MOCOS: variants seen among roughly 807,000 people sequenced by gnomAD.
MOCOS encodes the protein molybdenum cofactor sulfurase, also known as human molybdenum cofactor sulfurase.
MOCOS carries 86 observed loss-of-function variants against 83.6 expected under a neutral mutation model. The observed-to-expected ratio is 1.03, with a 90% CI of 0.86 to 1.23. MOCOS has a LOEUF of 1.23. MOCOS is among the 50% of genes most tolerant of loss of function. MOCOS has a pLI of 0.00. For synonymous variants in MOCOS, 445 were observed against 434.7 expected (o/e 1.02, Z -0.29); for missense variants, 1,120 against 1,126.9 (o/e 0.99, Z 0.09).
At chr18:36,239,278 T>G (rs3993052) in intron 9 of MOCOS, among the ~76,000 whole-genome samples, 85,801 of 148,920 alleles carry the variant, frequency 0.58, 25,594 homozygotes, top group African/African-American at 0.71. Flanking sequence ...GGTACCAGTT[T>G]TTCCTTTCCA....
chr18:36,239,695 G>A (rs2091573744), intron 9 of MOCOS, among the ~76,000 whole-genome samples: 1 of 147,364 alleles, frequency 6.8e-6, no homozygotes, highest in Admixed American at 6.9e-5. Flanking sequence ...TTGCTAGATT[G>A]GGGAAATTCT....
At chr18:36,242,140 G>A (rs1011294571) in intron 9 of MOCOS, among the ~76,000 whole-genome samples, 3 of 152,204 alleles carry the variant, frequency 2.0e-5, no homozygotes, top group East Asian at 3.9e-4. Flanking sequence ...CTTTTCTGTA[G>A]CACAGACTGT....
intron 11 of MOCOS, among the ~76,000 whole-genome samples, chr18:36,253,632 C>T (rs374494770): frequency 9.9e-5 from 15 of 151,300 alleles, no homozygotes; most frequent in African/African-American, 3.4e-4. Flanking sequence ...CGCCACTGCA[C>T]TCCAGCCTGG....
chr18:36,191,785 C>A (rs1354299160), intron 1 of MOCOS, among the ~76,000 whole-genome samples: 2 of 152,202 alleles, frequency 1.3e-5, no homozygotes, highest in African/African-American at 4.8e-5. Context: ...AGCCATATGT[C>A]TCACCACTTG....
chr18:36,245,802 T>C (rs190938802), intron 9 of MOCOS, among the ~76,000 whole-genome samples: 6 of 152,338 alleles, frequency 3.9e-5, no homozygotes, highest in Non-Finnish European at 5.9e-5. Context: ...CAAAATTTCA[T>C]GGAGACTTTG....
chr18:36,196,290 A>T, intron 2 of MOCOS, among the ~76,000 whole-genome samples: 1 of 152,350 alleles, frequency 6.6e-6, no homozygotes, highest in South Asian at 2.1e-4. Flanking sequence ...AGTAACATTT[A>T]TCAGGTACTC....
intron 8 of MOCOS, among the ~76,000 whole-genome samples, chr18:36,218,716 T>G (rs503474): frequency 6.6e-6 from 1 of 151,954 alleles, no homozygotes; most frequent in South Asian, 2.1e-4. Context: ...GACAGGGTCT[T>G]GCTATGTTGA....
chr18:36,254,607 A>AT (rs2091635159), intron 11 of MOCOS, among the ~76,000 whole-genome samples: 1 of 150,554 alleles, frequency 6.6e-6, no homozygotes, highest in African/African-American at 2.4e-5. Context: ...ATATATATAT[A>AT]CACACACACA....
intron 9 of MOCOS, among the ~76,000 whole-genome samples, chr18:36,244,058 A>G (rs1283577017): frequency 6.6e-6 from 1 of 151,716 alleles, no homozygotes; most frequent in Non-Finnish European, 1.5e-5. Context: ...TTATTTTTTC[A>G]AAGAACCAGC....
At chr18:36,219,224 G>T (rs902060916) in intron 8 of MOCOS, among the ~76,000 whole-genome samples, 1 of 151,416 alleles carries the variant, frequency 6.6e-6, no homozygotes, top group Non-Finnish European at 1.5e-5. Flanking sequence ...TCTCACTCTT[G>T]TCGCCCAGGC....
At chr18:36,216,436 T>C (rs9951949) in intron 8 of MOCOS, among the ~76,000 whole-genome samples, 57 of 152,294 alleles carry the variant, frequency 3.7e-4, no homozygotes, top group African/African-American at 1.2e-3. Context: ...GGAGCTCCCG[T>C]TGGCCAAGTC....
chr18:36,188,878 G>A (rs769262668), intron 1 of MOCOS, among the ~76,000 whole-genome samples: 1 of 151,224 alleles, frequency 6.6e-6, no homozygotes, highest in Non-Finnish European at 1.5e-5. Flanking sequence ...CTCTCGCAGG[G>A]TCACCTGCTG....
chr18:36,212,705 A>T (rs1054923074), intron 6 of MOCOS, among the ~76,000 whole-genome samples: 4 of 152,226 alleles, frequency 2.6e-5, no homozygotes, highest in Admixed American at 2.0e-4. Context: ...GGCTGACCAC[A>T]CGGTGACCTC....
chr18:36,210,050 G>T lies in MOCOS; in HGVS notation c.1219-3316G>T, dbSNP rs114963493. Among the ~76,000 whole-genome samples, 718 of 152,226 alleles carry T rather than the reference G, an allele frequency of 4.7e-3. 6 individuals carry two copies. Among genetic ancestry groups the T allele is most frequent in the African/African-American group, 0.017 (687 of 41,538 alleles). Reference sequence around the variant, plus strand: ...GCTGGATTCTATTTATTAGTATTTTGTTGAGGATTTTTGTGTCTATGTTCA... The same window carrying T: ...GCTGGATTCTATTTATTAGTATTTTTTTGAGGATTTTTGTGTCTATGTTCA... On this transcript the variant is annotated intron_variant, in intron 6 of 14. Coordinates refer to ENST00000261326, the MANE Select transcript of MOCOS (RefSeq NM_017947.4).
At position 36,256,982 on chromosome 18, in the gene MOCOS, A is replaced by G; in HGVS notation, c.2179A>G (p.Thr727Ala). Residue 727 changes from threonine (T) to alanine (A), a missense_variant, in exon 12 of 15, where the codon ACA (threonine) becomes GCA (alanine). Transcript: ENST00000261326. Reference protein sequence around the residue: ...KKHGKDQLPGTMATLSLVNEA... With the variant: ...KKHGKDQLPGAMATLSLVNEA... ...ATCATTTTCAGATCAACTTCCTGGT[A>G]CAATGGCCACCCTTTCTCTGGTGAA... is the stretch of plus-strand genomic sequence containing the variant. 1.9e-6 allele frequency: 3 copies of G among 1,614,024 alleles called. No individual in the cohort carries two copies. The highest frequency in any genetic ancestry group is 1.7e-6 in the Non-Finnish European group (2 of 1,179,882).
rs570354671 is a variant in MOCOS at position 36,258,347 on chromosome 18, A to G, written c.2270+1274A>G. On this transcript the variant is annotated intron_variant, in intron 12 of 14. Transcript: ENST00000261326. ...CTATCATGCACATGTTAACCATGATAGCTTTTGGACATAAAACATGCCCTT... is the reference window on the plus strand; with the variant it reads ...CTATCATGCACATGTTAACCATGATGGCTTTTGGACATAAAACATGCCCTT... Among the ~76,000 whole-genome samples, 31 of 152,330 alleles carry G rather than the reference A, an allele frequency of 2.0e-4. No homozygotes were observed. The South Asian group carries it at 6.0e-3, about 30-fold the overall frequency.
At chr18:36,235,356 C>T (rs1442974861) in intron 9 of MOCOS, among the ~76,000 whole-genome samples, 2 of 131,766 alleles carry the variant, frequency 1.5e-5, no homozygotes, top group Non-Finnish European at 3.2e-5. Context: ...TGTTCAATTC[C>T]CACCTATGAG....
chr18:36,191,049 G>A (rs757131110), intron 1 of MOCOS, among the ~76,000 whole-genome samples: 116 of 72,418 alleles, frequency 1.6e-3, no homozygotes, highest in Non-Finnish European at 2.7e-3. Flanking sequence ...AAAAAAAAGT[G>A]TGTAGCACCT....
At chr18:36,193,304 C>G in intron 1 of MOCOS, among the ~76,000 whole-genome samples, 1 of 95,606 alleles carries the variant, frequency 1.0e-5, no homozygotes, top group African/African-American at 4.5e-5. Flanking sequence ...GGCGACAGAG[C>G]GAGACTCCGT....
Sources: gnomAD v4.1 joint callset for allele counts (sites outside exome capture counted in the v4.1 genomes callset) on GRCh38, gnomAD v4.1.1 for gene constraint, MANE v1.5 for transcripts, NCBI Gene and HGNC (gene_info 2026-07-23, HGNC 2026-07-21) for gene names.